The following DRC10 variants were observed in gnomAD, a reference collection of about 807,000 sequenced individuals.
DRC10 encodes the protein IQ domain-containing protein D.
chr12:113,206,394 T>C, the DRC10 span, among the ~76,000 whole-genome samples: 1 of 152,172 alleles, frequency 6.6e-6, no homozygotes, highest in African/African-American at 2.4e-5. Context: ...TTACTTGCTC[T>C]CTTCCTTTGT....
the DRC10 span, among the ~76,000 whole-genome samples, chr12:113,203,885 G>C: frequency 1.4e-5 from 2 of 144,234 alleles, no homozygotes; most frequent in East Asian, 4.1e-4. Flanking sequence ...GCTTCCCAAA[G>C]TGCTGGGATT....
chr12:113,213,215 T>C, the DRC10 span, among the ~76,000 whole-genome samples: 124 of 141,576 alleles, frequency 8.8e-4, no homozygotes, highest in Middle Eastern at 4.1e-3. Flanking sequence ...CCAAAACAAC[T>C]GGAGTGTGGG....
At chr12:113,200,413 G>A in the DRC10 span, 1 of 715,176 alleles carries the variant, frequency 1.4e-6, no homozygotes, top group Admixed American at 2.0e-5. Flanking sequence ...CTTGGATTTG[G>A]GCCTTCCCTG....
the DRC10 span, chr12:113,197,552 C>T: frequency 6.5e-7 from 1 of 1,532,292 alleles, no homozygotes; most frequent in Non-Finnish European, 8.7e-7. Context: ...TGCTTCTCAC[C>T]CATCTCTGTA....
chr12:113,217,365 T>C, the DRC10 span, among the ~76,000 whole-genome samples: 1 of 152,160 alleles, frequency 6.6e-6, no homozygotes, highest in African/African-American at 2.4e-5. Flanking sequence ...TAATTTACAT[T>C]ACCATAAAAT....
chr12:113,206,368 C>G, the DRC10 span, among the ~76,000 whole-genome samples: 1 of 152,170 alleles, frequency 6.6e-6, no homozygotes, highest in African/African-American at 2.4e-5. Flanking sequence ...TTTTGCCTCT[C>G]TCAGCATTCC....
the DRC10 span, among the ~76,000 whole-genome samples, chr12:113,214,146 A>G: frequency 6.6e-6 from 1 of 152,130 alleles, no homozygotes; most frequent in Admixed American, 6.6e-5. Flanking sequence ...GGGGCTAGAA[A>G]GAAGCAACAG....
At chr12:113,219,274 G>T in the DRC10 span, among the ~76,000 whole-genome samples, 1 of 152,142 alleles carries the variant, frequency 6.6e-6, no homozygotes, top group Non-Finnish European at 1.5e-5. Context: ...GACCTCAGGT[G>T]ATCCACCTGC....
the DRC10 span, among the ~76,000 whole-genome samples, chr12:113,219,273 T>A: frequency 6.6e-6 from 1 of 152,100 alleles, no homozygotes; most frequent in African/African-American, 2.4e-5. Context: ...TGACCTCAGG[T>A]GATCCACCTG....
chr12:113,207,253 T>A, the DRC10 span: 1 of 669,166 alleles, frequency 1.5e-6, no homozygotes, highest in East Asian at 2.7e-5. Context: ...GAGGCTGTGG[T>A]GGGAGAATCG....
At chr12:113,195,634 C>T in the DRC10 span, 1 of 1,613,134 alleles carries the variant, frequency 6.2e-7, no homozygotes, top group Admixed American at 1.7e-5. Flanking sequence ...TTGTCCTTTG[C>T]TTTGCCCTTG....
the DRC10 span, among the ~76,000 whole-genome samples, chr12:113,209,950 AC>A: frequency 3.9e-4 from 60 of 152,232 alleles, no homozygotes; most frequent in African/African-American, 1.3e-3. Context: ...ACATGGCGAA[AC>A]CCCGTCTCTA....
chr12:113,211,237 A>G, the DRC10 span, among the ~76,000 whole-genome samples: 41 of 152,232 alleles, frequency 2.7e-4, no homozygotes, highest in African/African-American at 9.6e-4. Flanking sequence ...ACGTGCCACC[A>G]TTCCCAGCTA....
the DRC10 span, chr12:113,200,839 G>T: frequency 6.7e-7 from 1 of 1,484,998 alleles, no homozygotes; most frequent in African/African-American, 1.4e-5. Context: ...AAAGGGCTCC[G>T]TTAATACCTC....
At chr12:113,201,522 C>T in the DRC10 span, among the ~76,000 whole-genome samples, 1 of 152,214 alleles carries the variant, frequency 6.6e-6, no homozygotes, top group African/African-American at 2.4e-5. Flanking sequence ...CTGGCAGAGA[C>T]ACTTAGTGGG....
At chr12:113,214,522 A>G in the DRC10 span, among the ~76,000 whole-genome samples, 2 of 151,536 alleles carry the variant, frequency 1.3e-5, no homozygotes, top group East Asian at 3.9e-4. Flanking sequence ...AAAAAAAAAA[A>G]AAAAAAGAGA....
the DRC10 span, among the ~76,000 whole-genome samples, chr12:113,212,385 A>T: frequency 6.6e-6 from 1 of 152,112 alleles, no homozygotes; most frequent in Non-Finnish European, 1.5e-5. Context: ...CTATCTTGTA[A>T]GTGAAAAAAA....
chr12:113,205,576 C>G, the DRC10 span, among the ~76,000 whole-genome samples: 4 of 151,880 alleles, frequency 2.6e-5, no homozygotes, highest in African/African-American at 9.7e-5. Context: ...TGTTAATATT[C>G]TTCAATTCTG....
the DRC10 span, among the ~76,000 whole-genome samples, chr12:113,205,897 C>G: frequency 9.0e-6 from 1 of 110,702 alleles, no homozygotes; most frequent in Non-Finnish European, 1.7e-5. Context: ...AGCGAGACTC[C>G]GTCTCAAAAA....
Sources: gnomAD v4.1 joint callset for allele counts (sites outside exome capture counted in the v4.1 genomes callset) on GRCh38, gnomAD v4.1.1 for gene constraint, MANE v1.5 for transcripts, NCBI Gene and HGNC (gene_info 2026-07-23, HGNC 2026-07-21) for gene names.